The following JKAMP variants were observed in gnomAD, a reference collection of about 807,000 sequenced individuals.
JKAMP encodes JNK1/MAPK8-associated membrane protein.
A neutral mutation model predicts 40.2 loss-of-function variants in JKAMP; 20 were observed. That is an observed-to-expected ratio of 0.50 (90% CI 0.35 to 0.72). The LOEUF (loss-of-function observed/expected upper bound fraction) is 0.72, where lower values mean the gene tolerates loss of function less well. Ranked by LOEUF, JKAMP falls within the 30% of genes least tolerant of loss-of-function variation. The probability of loss-of-function intolerance (pLI) is 0.01; values close to 1 mark genes in which losing one functional copy is unlikely to be tolerated. For synonymous variants in JKAMP, 138 were observed against 131.6 expected, an observed-to-expected ratio of 1.05 and a Z score of -0.33; for missense variants, 276 against 373.0, an observed-to-expected ratio of 0.74 and a Z score of 2.14.
intron 3 of JKAMP, among the ~76,000 whole-genome samples, chr14:59,488,100 C>T (rs1453968941): frequency 1.3e-5 from 2 of 151,786 alleles, no homozygotes; most frequent in African/African-American, 4.8e-5. Flanking sequence ...GTTTTCTACA[C>T]AAAATTGGTT....
intron 4 of JKAMP, among the ~76,000 whole-genome samples, chr14:59,495,821 A>T (rs1216959273): frequency 6.6e-6 from 1 of 152,252 alleles, no homozygotes; most frequent in Admixed American, 6.5e-5. Context: ...TAATAATAAA[A>T]CATCAAAAAC....
intron 3 of JKAMP, among the ~76,000 whole-genome samples, chr14:59,489,966 A>C (rs983450940): frequency 5.4e-4 from 82 of 152,182 alleles, no homozygotes; most frequent in African/African-American, 2.0e-3. Context: ...TTTGTCACCT[A>C]GGCTGTATTG....
chr14:59,490,384 T>C (rs1277563345), intron 3 of JKAMP, among the ~76,000 whole-genome samples: 1 of 152,118 alleles, frequency 6.6e-6, no homozygotes, highest in East Asian at 1.9e-4. Flanking sequence ...CAACATGAGA[T>C]TTGGAGGGAA....
At chr14:59,493,410 A>G (rs759035650) in intron 3 of JKAMP, among the ~76,000 whole-genome samples, 9 of 152,140 alleles carry the variant, frequency 5.9e-5, no homozygotes, top group Admixed American at 2.0e-4. Flanking sequence ...CCAAATTGAC[A>G]CCATGTGGAG....
At position 59,505,322 on chromosome 14, in the gene JKAMP, G is replaced by C; in HGVS notation, c.*1250G>C. ...CGAATGTGTTTCTTCTTCTCTGTAG[G>C]AATAAAAAATAAATATAAAAATTTT... On this transcript the variant is annotated 3_prime_UTR_variant, in exon 7 of 7. Transcript: ENST00000616435. The C allele has an allele frequency of 7.0e-7, 1 of 1,436,526 alleles. No individual in the cohort carries two copies. 89.0% of individuals were successfully genotyped at this position (1,436,526 alleles called of 1,614,324 possible). A position where few individuals can be genotyped will look rare whatever the true frequency, so the allele number is the denominator to read the frequency against.
rs758180964 is a variant in JKAMP, at chr14:59,494,999, G to C, written c.252-19G>C. The C allele has an allele frequency of 4.4e-6, 7 of 1,580,038 alleles. No homozygotes were observed. The South Asian group carries it at 6.6e-5, about 15-fold the overall frequency. On this transcript the variant is annotated intron_variant, in intron 3 of 6. Transcript: ENST00000616435. Reference sequence around the variant, plus strand: ...ATATTGCAATTTTTCTAGTAATCATGCCTCTTTTCCTTCTCTAGTTCCAGC... The same window carrying C: ...ATATTGCAATTTTTCTAGTAATCATCCCTCTTTTCCTTCTCTAGTTCCAGC...
chr14:59,494,981 A>G (rs1891331039), intron 3 of JKAMP, 37 bp from the exon 4 acceptor site: 1 of 1,471,610 alleles, frequency 6.8e-7, no homozygotes, highest in South Asian at 1.1e-5. Flanking sequence ...TAAATATTGC[A>G]ATTTTTCTAG....
intron 5 of JKAMP, among the ~76,000 whole-genome samples, chr14:59,499,999 T>A (rs150191772): frequency 1.3e-5 from 2 of 152,356 alleles, no homozygotes; most frequent in African/African-American, 4.8e-5. Context: ...GTGACATGAT[T>A]ACATTTGCAC....
At chr14:59,488,912 A>G (rs927993635) in intron 3 of JKAMP, among the ~76,000 whole-genome samples, 2 of 152,262 alleles carry the variant, frequency 1.3e-5, no homozygotes, top group Non-Finnish European at 2.9e-5. Context: ...AGAGTGCCCA[A>G]TTAAAAGAGA....
rs534790746 is a variant in JKAMP, at chr14:59,499,772, A to G, written c.640+864A>G. ...GCTTGAGGGTAAGACCAAGGGAACC[A>G]GAAATTCTGTTATCCGCCATATTCT... On this transcript the variant is annotated intron_variant, in intron 5 of 6. Coordinates refer to ENST00000616435, the MANE Select transcript of JKAMP (RefSeq NM_016475.5). 2.6e-5 allele frequency among the ~76,000 whole-genome samples: 4 copies of G among 152,302 alleles called. No homozygotes were observed. The South Asian group carries it at 8.3e-4, about 32-fold the overall frequency.
intron 4 of JKAMP, among the ~76,000 whole-genome samples, chr14:59,497,416 G>A (rs1204103369): frequency 2.6e-5 from 4 of 152,086 alleles, no homozygotes; most frequent in Non-Finnish European, 4.4e-5. Flanking sequence ...AGTGGGAAAC[G>A]TAATCACTTC....
intron 4 of JKAMP, among the ~76,000 whole-genome samples, chr14:59,497,415 C>T (rs760014396): frequency 7.9e-5 from 12 of 151,990 alleles, no homozygotes; most frequent in Non-Finnish European, 1.3e-4. Context: ...GAGTGGGAAA[C>T]GTAATCACTT....
intron 4 of JKAMP, among the ~76,000 whole-genome samples, chr14:59,497,635 T>C (rs1170986000): frequency 6.6e-6 from 1 of 152,192 alleles, no homozygotes; most frequent in African/African-American, 2.4e-5. Flanking sequence ...ATTAAAATCA[T>C]CTTTTTTAGA....
chr14:59,495,298 T>A, intron 4 of JKAMP, 74 bp downstream of exon 4: 2 of 1,201,008 alleles, frequency 1.7e-6, no homozygotes, highest in East Asian at 4.8e-5. Context: ...TTTATGGCGT[T>A]TGGAGACAAA....
chr14:59,497,876 C>A (rs750577642), intron 4 of JKAMP, among the ~76,000 whole-genome samples: 20 of 152,090 alleles, frequency 1.3e-4, no homozygotes, highest in Non-Finnish European at 1.5e-5. Flanking sequence ...CTGCTGACTT[C>A]CTAGGACACT....
At chr14:59,487,512 ATTTCT>A (rs915415654) in intron 2 of JKAMP, 157 bp from the exon 3 acceptor site, 108 of 555,316 alleles carry the variant, frequency 1.9e-4, no homozygotes, top group African/African-American at 1.4e-3. Flanking sequence ...TACAATATAG[ATTTCT>A]TTTTATTTTA....
chr14:59,486,719 A>G lies in JKAMP; in HGVS notation c.11A>G (p.Asp4Gly). 6.3e-7 allele frequency: 1 copy of G among 1,584,102 alleles called. No individual in the cohort carries two copies. The highest frequency in any genetic ancestry group is 8.6e-7 in the Non-Finnish European group (1 of 1,162,966). ...GGCATTTGTTTTTAAAAAGCTGTCG[A>G]TATTCAACCAGCATGCCTTGGACTT... is the stretch of plus-strand genomic sequence containing the variant. MAV[D>G]IQPACLGLYC... Residue 4 changes from aspartate to glycine, a missense_variant, in exon 2 of 7, where the codon GAT becomes GGT. Asp to Gly is a moderately conservative substitution (Grantham distance 94, BLOSUM62 -1). Coordinates refer to ENST00000616435, the MANE Select transcript of JKAMP (RefSeq NM_016475.5).
chr14:59,496,041 T>C (rs531451666), intron 4 of JKAMP, among the ~76,000 whole-genome samples: 152 of 152,280 alleles, frequency 1.0e-3, no homozygotes, highest in Non-Finnish European at 1.8e-3. Flanking sequence ...GTAGCTGGGA[T>C]TACAGGCATG....
rs1018186672 is a variant in JKAMP at position 59,504,233 on chromosome 14, C to T, written c.*161C>T. The T allele has an allele frequency of 4.9e-6, 3 of 611,298 alleles. No individual in the cohort carries two copies. The highest frequency in any genetic ancestry group is 1.9e-5 in the African/African-American group (1 of 53,992). The allele number at this position is 611,298 out of a possible 1,614,324, so 37.9% of individuals were successfully genotyped here. On this transcript the variant is annotated 3_prime_UTR_variant, in exon 7 of 7. Transcript: ENST00000616435. ...TTTGTTTTGTTTATGGTTAGACTTACAGACTTGGAAAATGCAAAACTCTGT... is the reference window on the plus strand; with the variant it reads ...TTTGTTTTGTTTATGGTTAGACTTATAGACTTGGAAAATGCAAAACTCTGT...
Sources: allele counts gnomAD v4.1 joint callset (sites outside exome capture counted in the v4.1 genomes callset), GRCh38; gene constraint gnomAD v4.1.1; transcripts MANE v1.5; gene names NCBI Gene and HGNC (gene_info 2026-07-23, HGNC 2026-07-21).